The following PTPRD variants were observed in gnomAD, a reference collection of about 807,000 sequenced individuals.
PTPRD encodes protein tyrosine phosphatase receptor type D, also known as receptor-type tyrosine-protein phosphatase delta.
Under a neutral mutation model 214.5 loss-of-function variants are expected in PTPRD, and 34 were observed. The observed-to-expected ratio is 0.16, with a 90% CI of 0.12 to 0.21. The LOEUF (loss-of-function observed/expected upper bound fraction) is 0.21. Ranked by LOEUF, PTPRD falls within the 10% of genes least tolerant of loss-of-function variation. PTPRD has a pLI of 1.00. For missense variants in PTPRD, 2,545 were observed against 2,398.7 expected (o/e 1.06, Z -1.27); for synonymous variants, 1,128 against 845.7 (o/e 1.33, Z -5.79).
At chr9:8,356,288 C>T (rs1016169164) in intron 39 of PTPRD, among the ~76,000 whole-genome samples, 2 of 151,928 alleles carry the variant, frequency 1.3e-5, no homozygotes, top group African/African-American at 4.8e-5. Flanking sequence ...TTTCCAAAGA[C>T]AGAAAGAAAA....
chr9:9,905,242 C>T (rs1256420216), intron 5 of PTPRD, among the ~76,000 whole-genome samples: 2 of 151,882 alleles, frequency 1.3e-5, no homozygotes, highest in Non-Finnish European at 2.9e-5. Context: ...ATTTACTTTG[C>T]AAACATATAG....
chr9:10,221,125 G>A (rs906369242), intron 3 of PTPRD, among the ~76,000 whole-genome samples: 1 of 151,776 alleles, frequency 6.6e-6, no homozygotes, highest in Non-Finnish European at 1.5e-5. Context: ...AAAAGAAGTT[G>A]GTGAAATATT....
chr9:10,569,442 T>C (rs765096730), intron 2 of PTPRD, among the ~76,000 whole-genome samples: 6 of 152,110 alleles, frequency 3.9e-5, no homozygotes, highest in African/African-American at 9.7e-5. Flanking sequence ...TAATAACTTA[T>C]TGGAATACAT....
chr9:9,731,574 A>AG (rs1416355404), intron 7 of PTPRD, among the ~76,000 whole-genome samples: 3 of 152,026 alleles, frequency 2.0e-5, no homozygotes, highest in Non-Finnish European at 4.4e-5. Flanking sequence ...CTCGTCATTT[A>AG]CATTAGGTAT....
At chr9:10,042,079 A>C (rs1458631334) in intron 3 of PTPRD, among the ~76,000 whole-genome samples, 1 of 152,100 alleles carries the variant, frequency 6.6e-6, no homozygotes, top group Non-Finnish European at 1.5e-5. Context: ...CCCTGTGGGA[A>C]CACAGCAGCA....
At chr9:9,372,226 C>A (rs10816099) in intron 9 of PTPRD, among the ~76,000 whole-genome samples, 2 of 151,882 alleles carry the variant, frequency 1.3e-5, no homozygotes, top group Admixed American at 6.6e-5. Context: ...TAAAGTCTCC[C>A]ATTATTATTG....
intron 10 of PTPRD, among the ~76,000 whole-genome samples, chr9:9,165,279 T>C (rs1049881941): frequency 6.6e-6 from 1 of 152,138 alleles, no homozygotes; most frequent in East Asian, 1.9e-4. Context: ...AGTATGCACA[T>C]TGAGAGTGAG....
At chr9:8,540,384 G>A (rs2078097663) in intron 14 of PTPRD, among the ~76,000 whole-genome samples, 1 of 151,888 alleles carries the variant, frequency 6.6e-6, no homozygotes, top group African/African-American at 2.4e-5. Flanking sequence ...TCTGAAAAAA[G>A]TTAACTCTAA....
intron 3 of PTPRD, among the ~76,000 whole-genome samples, chr9:10,292,665 C>A (rs576433073): frequency 6.6e-6 from 1 of 151,932 alleles, no homozygotes; most frequent in East Asian, 1.9e-4. Flanking sequence ...TGAAATATGT[C>A]AAAAACATCC....
At chr9:9,121,680 G>C (rs1262576461) in intron 10 of PTPRD, among the ~76,000 whole-genome samples, 1 of 152,126 alleles carries the variant, frequency 6.6e-6, no homozygotes, top group Non-Finnish European at 1.5e-5. Flanking sequence ...GGGAAGTGTG[G>C]GAGGGGGGCG....
chr9:8,346,629 C>G (rs1443266393), intron 39 of PTPRD, among the ~76,000 whole-genome samples: 1 of 152,112 alleles, frequency 6.6e-6, no homozygotes, highest in Non-Finnish European at 1.5e-5. Context: ...TAGTAGCCAT[C>G]TCGGTTATCC....
chr9:10,118,062 C>G (rs1048214585), intron 3 of PTPRD, among the ~76,000 whole-genome samples: 1 of 151,914 alleles, frequency 6.6e-6, no homozygotes, highest in African/African-American at 2.4e-5. Context: ...TGCAATAGTT[C>G]ACTTGTAATT....
intron 2 of PTPRD, among the ~76,000 whole-genome samples, chr9:10,420,182 T>C (rs2098533008): frequency 6.6e-6 from 1 of 151,816 alleles, no homozygotes; most frequent in Non-Finnish European, 1.5e-5. Flanking sequence ...CTTTGCTATG[T>C]GTCAAGAATT....
intron 11 of PTPRD, among the ~76,000 whole-genome samples, chr9:8,758,175 T>C (rs1021259562): frequency 3.3e-5 from 5 of 152,276 alleles, no homozygotes; most frequent in Admixed American, 2.6e-4. Flanking sequence ...CTGTCCATTA[T>C]CATTAAAAAC....
chr9:9,782,070 C>T (rs1384709122), intron 5 of PTPRD, among the ~76,000 whole-genome samples: 1 of 152,090 alleles, frequency 6.6e-6, no homozygotes, highest in African/African-American at 2.4e-5. Context: ...GGATTACAGG[C>T]GTGAGCCACC....
At chr9:9,450,738 G>T (rs2091904626) in intron 8 of PTPRD, among the ~76,000 whole-genome samples, 1 of 113,024 alleles carries the variant, frequency 8.8e-6, no homozygotes, top group African/African-American at 3.1e-5. Context: ...TGTATTAATT[G>T]TACATATTAT....
chr9:9,019,288 G>GAAAGAAAGAAAGAAAGAAAGAAAGAAAGA (rs2099550636), intron 10 of PTPRD, among the ~76,000 whole-genome samples: 1 of 28,242 alleles, frequency 3.5e-5, no homozygotes, highest in Admixed American at 3.5e-4. Flanking sequence ...AAAGAAGAAA[G>GAAAGAAAGAAAGAAAGAAAGAAAGAAAGA]AAAGAAAGAA....
chr9:10,414,593 T>G (rs113589776), intron 2 of PTPRD, among the ~76,000 whole-genome samples: 12 of 152,046 alleles, frequency 7.9e-5, no homozygotes, highest in African/African-American at 2.6e-4. Context: ...ACTGGCTATA[T>G]GCCCAGAAGA....
At chr9:8,460,152 T>G in intron 33 of PTPRD, 1 of 477,084 alleles carries the variant, frequency 2.1e-6, no homozygotes, top group Non-Finnish European at 3.8e-6. Context: ...CTTATCTGCA[T>G]AAAGCAGCTC....
Sources: allele counts gnomAD v4.1 joint callset (sites outside exome capture counted in the v4.1 genomes callset), GRCh38; gene constraint gnomAD v4.1.1; transcripts MANE v1.5; gene names NCBI Gene and HGNC (gene_info 2026-07-23, HGNC 2026-07-21).